USH2A: variants seen among roughly 807,000 people sequenced by gnomAD.
USH2A encodes Usher syndrome 2A (autosomal recessive, mild).
USH2A carries 443 observed loss-of-function variants against 538.9 expected under a neutral mutation model. That is an observed-to-expected ratio of 0.82 (90% CI 0.76 to 0.89). The LOEUF (loss-of-function observed/expected upper bound fraction) is 0.89. Among genes scored for constraint, USH2A ranks in the 40% least tolerant of loss-of-function variants. The pLI, the probability that USH2A is intolerant of heterozygous loss-of-function variation, is 0.00. For missense variants in USH2A, 6,633 were observed against 6,324.8 expected, an observed-to-expected ratio of 1.05 and a Z score of -1.65; for synonymous variants, 2,413 against 2,273.5, an observed-to-expected ratio of 1.06 and a Z score of -1.75.
rs772808534 is a variant in USH2A at position 216,422,237 on chromosome 1, G to A, written c.100C>T (p.Arg34Ter). Residue 34 changes from arginine (R) to a stop codon, truncating the protein, a stop_gained, in exon 2 of 72, where the codon CGA becomes TGA. Transcript: ENST00000307340. LOFTEE classifies it high-confidence loss of function. The part of the protein sequence containing the change: ...YFASISLTES[R>*]GLFPRLENVG... Reference sequence around the variant, plus strand: ...TTCTCCAGCCTTGGGAAAAGACCTCGTGACTCAGTCAAGGATATTGAAGCA... The same window carrying A: ...TTCTCCAGCCTTGGGAAAAGACCTCATGACTCAGTCAAGGATATTGAAGCA... 18 of 1,612,962 alleles carry A rather than the reference G, an allele frequency of 1.1e-5. No homozygotes were observed. Among genetic ancestry groups the A allele is most frequent in the Non-Finnish European group, 1.4e-5 (16 of 1,179,454 alleles).
chr1:215,647,801 G>T, intron 66 of USH2A, 71 bp from the exon 67 acceptor site: 10 of 1,550,254 alleles, frequency 6.5e-6, no homozygotes, highest in Non-Finnish European at 8.0e-6. Context: ...TTTAAAACCA[G>T]TTCTATTTTG....
At chr1:216,330,808 A>G (rs1205739919) in intron 4 of USH2A, among the ~76,000 whole-genome samples, 1 of 152,042 alleles carries the variant, frequency 6.6e-6, no homozygotes, top group Non-Finnish European at 1.5e-5. Flanking sequence ...CCAAGAGGCC[A>G]GTTAGGAGGA....
intron 38 of USH2A, among the ~76,000 whole-genome samples, chr1:215,903,005 C>T (rs529114996): frequency 6.6e-6 from 1 of 152,046 alleles, no homozygotes; most frequent in Non-Finnish European, 1.5e-5. Flanking sequence ...GGTCTGAGAA[C>T]CAAGCCCTGG....
At chr1:215,943,665 G>A (rs1003238700) in intron 37 of USH2A, among the ~76,000 whole-genome samples, 15 of 152,140 alleles carry the variant, frequency 9.9e-5, no homozygotes, top group Admixed American at 2.0e-4. Context: ...TATTCAAGAT[G>A]CCTCTAAAAT....
At chr1:216,163,942 A>G (rs1327691997) in intron 21 of USH2A, among the ~76,000 whole-genome samples, 9 of 152,062 alleles carry the variant, frequency 5.9e-5, no homozygotes, top group African/African-American at 2.2e-4. Context: ...TATGTCTTTA[A>G]CCATATTTTT....
In USH2A at chr1:216,327,590, C is replaced by A. The variant is rs2102658764; in HGVS notation, c.848+1G>T. 1 of 1,613,056 alleles carries A rather than the reference C, an allele frequency of 6.2e-7. No homozygotes were observed. The highest frequency in any genetic ancestry group is 8.5e-7 in the Non-Finnish European group (1 of 1,179,388). On this transcript the variant is annotated splice_donor_variant, in intron 5 of 71. Coordinates refer to ENST00000307340, the MANE Select transcript of USH2A (RefSeq NM_206933.4). LOFTEE classifies it high-confidence loss of function. ...AGGTTTACAATGCAACATCTGCTTA[C>A]CTGTTTGTAAGTGCCACTTGGTATA...
At position 215,779,928 on chromosome 1, in the gene USH2A, G is replaced by A. The variant is rs1348201363; in HGVS notation, c.10854C>T (p.Gly3618=). The A allele has an allele frequency of 8.7e-6, 14 of 1,613,964 alleles. No individual in the cohort carries two copies. In the East Asian group the frequency reaches 8.9e-5, roughly 10 times the overall value. ...GCCTGATCTGGTACTCTTTAATGAC[G>A]CCGTTTGATTTCTCAGGGACACTCC... ...LSWSVPEKSN[G]VIKEYQIRQV... The change falls in exon 55 of 72, where the codon GGC becomes GGT. Residue 3618 remains glycine (G), a synonymous_variant. Coordinates refer to ENST00000307340, the MANE Select transcript of USH2A (RefSeq NM_206933.4).
At chr1:215,670,926 G>A (rs546870770) in intron 64 of USH2A, 46 bp downstream of exon 64, 658 of 1,584,678 alleles carry the variant, frequency 4.2e-4, no homozygotes, top group Non-Finnish European at 5.5e-4. Context: ...AGGTGCTGAC[G>A]GGTGCAAACA....
At chr1:215,629,836 T>C (rs1571915533) in intron 70 of USH2A, among the ~76,000 whole-genome samples, 2 of 146,418 alleles carry the variant, frequency 1.4e-5, no homozygotes, top group East Asian at 4.0e-4. Context: ...AGTGCAGTGG[T>C]GCAATCTCGG....
At chr1:215,983,083 T>G (rs1667787243) in intron 35 of USH2A, among the ~76,000 whole-genome samples, 1 of 152,202 alleles carries the variant, frequency 6.6e-6, no homozygotes, top group African/African-American at 2.4e-5. Flanking sequence ...CCAGAGTAGC[T>G]GGGATTACAG....
intron 38 of USH2A, among the ~76,000 whole-genome samples, chr1:215,918,046 T>A (rs1037980807): frequency 6.6e-6 from 1 of 151,960 alleles, no homozygotes; most frequent in Non-Finnish European, 1.5e-5. Context: ...ATGGTGCCAT[T>A]GAATCCACTA....
At chr1:215,845,697 G>T in intron 45 of USH2A, 127 bp downstream of exon 45, 2 of 962,706 alleles carry the variant, frequency 2.1e-6, no homozygotes, top group Non-Finnish European at 3.2e-6. Context: ...AAGCATTTTA[G>T]CCTCCACCCC....
chr1:216,058,128 A>G (rs2031043443), intron 30 of USH2A, among the ~76,000 whole-genome samples: 1 of 150,368 alleles, frequency 6.7e-6, no homozygotes, highest in Admixed American at 6.6e-5. Flanking sequence ...TATGAGGTAG[A>G]AGCCTTGTCC....
At chr1:215,780,748 C>G (rs1661611102) in intron 54 of USH2A, among the ~76,000 whole-genome samples, 1 of 152,182 alleles carries the variant, frequency 6.6e-6, no homozygotes, top group Admixed American at 6.5e-5. Flanking sequence ...TGTTCTAGGA[C>G]TAATAACTTT....
intron 3 of USH2A, among the ~76,000 whole-genome samples, chr1:216,392,519 CCAA>C: frequency 7.4e-6 from 1 of 135,618 alleles, no homozygotes; most frequent in East Asian, 2.3e-4. Flanking sequence ...AAAAAAAAAT[CCAA>C]AGTGTAGCAG....
In USH2A at chr1:215,625,763, C is replaced by T; in HGVS notation, c.*18G>A. ...CAGACCTTGCATTCCAGGGTTACGT[C>T]TTCTGGGTTTCCATCCTTTACAGGT... On this transcript the variant is annotated 3_prime_UTR_variant, in exon 72 of 72. Transcript: ENST00000307340. 1 of 1,613,556 alleles carries T rather than the reference C, an allele frequency of 6.2e-7. No homozygotes were observed. Among genetic ancestry groups the T allele is most frequent in the Non-Finnish European group, 8.5e-7 (1 of 1,179,504 alleles).
intron 21 of USH2A, among the ~76,000 whole-genome samples, chr1:216,097,634 A>G (rs1408164164): frequency 6.6e-6 from 1 of 152,218 alleles, no homozygotes. Context: ...GTTCAGTAAT[A>G]GAAGTTAATA....
intron 38 of USH2A, among the ~76,000 whole-genome samples, chr1:215,928,858 G>C (rs1328553904): frequency 6.6e-6 from 1 of 152,060 alleles, no homozygotes; most frequent in African/African-American, 2.4e-5. Context: ...ATTCTAAACA[G>C]AATGGAATTC....
At chr1:216,146,448 C>T (rs927027538) in intron 21 of USH2A, among the ~76,000 whole-genome samples, 4 of 152,300 alleles carry the variant, frequency 2.6e-5, no homozygotes, top group East Asian at 1.9e-4. Flanking sequence ...TATACACTCA[C>T]GTTTCAAGGG....
Sources: allele counts gnomAD v4.1 joint callset (sites outside exome capture counted in the v4.1 genomes callset), GRCh38; gene constraint gnomAD v4.1.1; transcripts MANE v1.5; gene names NCBI Gene and HGNC (gene_info 2026-07-23, HGNC 2026-07-21).